The following PLEKHA5 variants were observed in gnomAD, a reference collection of about 807,000 sequenced individuals.
PLEKHA5 encodes pleckstrin homology domain-containing family A member 5.
PLEKHA5 carries 55 observed loss-of-function variants against 181.9 expected under a neutral mutation model. The observed-to-expected ratio is 0.30, with a 90% CI of 0.24 to 0.38. The LOEUF (loss-of-function observed/expected upper bound fraction) is 0.38, where lower values mean the gene tolerates loss of function less well. PLEKHA5 is among the 10% of genes least tolerant of loss of function. The pLI is 1.00. For synonymous variants in PLEKHA5, 535 were observed against 529.4 expected (o/e 1.01, Z -0.15); for missense variants, 1,432 against 1,549.5 (o/e 0.92, Z 1.27).
chr12:19,333,951 T>A (rs1298839679), intron 20 of PLEKHA5, among the ~76,000 whole-genome samples: 1 of 152,130 alleles, frequency 6.6e-6, no homozygotes, highest in Non-Finnish European at 1.5e-5. Context: ...TTCTCTACTT[T>A]TTATTGAAAG....
At chr12:19,305,496 G>C (rs560195520) in intron 15 of PLEKHA5, among the ~76,000 whole-genome samples, 1 of 150,314 alleles carries the variant, frequency 6.7e-6, no homozygotes, top group East Asian at 2.0e-4. Context: ...GGGAGGCAGA[G>C]GTTGCAGTGA....
intron 15 of PLEKHA5, among the ~76,000 whole-genome samples, chr12:19,309,467 A>G (rs566805432): frequency 1.3e-5 from 2 of 152,206 alleles, no homozygotes; most frequent in Non-Finnish European, 2.9e-5. Context: ...CTTTTAAAAT[A>G]AGACAAATCT....
At chr12:19,230,395 G>T (rs546535156) in intron 3 of PLEKHA5, among the ~76,000 whole-genome samples, 9 of 152,300 alleles carry the variant, frequency 5.9e-5, no homozygotes, top group African/African-American at 2.2e-4. Flanking sequence ...ATGGGACCGG[G>T]CGTCGCAGAG....
chr12:19,342,173 C>T (rs2093987186), intron 21 of PLEKHA5, among the ~76,000 whole-genome samples: 1 of 152,150 alleles, frequency 6.6e-6, no homozygotes, highest in Non-Finnish European at 1.5e-5. Flanking sequence ...TTTTGTATGT[C>T]ATTGCCTATT....
At chr12:19,216,409 T>G (rs1017783208) in intron 3 of PLEKHA5, among the ~76,000 whole-genome samples, 1 of 152,176 alleles carries the variant, frequency 6.6e-6, no homozygotes, top group African/African-American at 2.4e-5. Context: ...ATGCCTGTAA[T>G]CCCAGCACTT....
chr12:19,308,910 A>C (rs1408722335), intron 15 of PLEKHA5, among the ~76,000 whole-genome samples: 3 of 134,850 alleles, frequency 2.2e-5, no homozygotes, highest in South Asian at 2.7e-4. Flanking sequence ...CACACACACA[A>C]AATTAGCCAG....
At position 19,207,284 on chromosome 12, in the gene PLEKHA5, A is replaced by G. The variant is rs182501191; in HGVS notation, c.228-46656A>G. On this transcript the variant is annotated intron_variant, in intron 3 of 31. Transcript: ENST00000429027. Reference sequence around the variant, plus strand: ...TTTTTAGTCCCAGATACCTCTAATCATAAGTCTTCATAGATCAATAGAAGA... The same window carrying G: ...TTTTTAGTCCCAGATACCTCTAATCGTAAGTCTTCATAGATCAATAGAAGA... 11 of 152,238 alleles carry G rather than the reference A, an allele frequency of 7.2e-5. No individual in the cohort carries two copies. In the East Asian group the frequency reaches 2.1e-3, roughly 29 times the overall value. The allele number at this position is 152,238 out of a possible 1,614,324, so 9.4% of individuals were successfully genotyped here.
chr12:19,192,799 G>C (rs1020289372), intron 3 of PLEKHA5, among the ~76,000 whole-genome samples: 3 of 152,128 alleles, frequency 2.0e-5, no homozygotes, highest in African/African-American at 7.2e-5. Flanking sequence ...ATTGATCAGA[G>C]GCATGTGGTA....
intron 3 of PLEKHA5, among the ~76,000 whole-genome samples, chr12:19,207,918 T>C (rs925605707): frequency 1.3e-5 from 2 of 152,182 alleles, no homozygotes; most frequent in Admixed American, 1.3e-4. Flanking sequence ...AATAGTTATA[T>C]AAGTTAAAAT....
chr12:19,336,698 C>T lies in PLEKHA5; in HGVS notation c.2550+82C>T, dbSNP rs1184603452. ...ATCCACCTTGTTAGATTTACGCATA[C>T]CCATAACAGTTTTTACATTATTGGC... On this transcript the variant is annotated intron_variant, in intron 21 of 31. Transcript: ENST00000429027. 8 of 736,938 alleles carry T rather than the reference C, an allele frequency of 1.1e-5. No homozygotes were observed. The Admixed American group carries it at 2.3e-4, about 21-fold the overall frequency. The allele number at this position is 736,938 out of a possible 1,614,324, so 45.6% of individuals were successfully genotyped here.
chr12:19,322,461 A>G (rs372573175), intron 19 of PLEKHA5, 57 bp from the exon 20 acceptor site: 2 of 1,587,558 alleles, frequency 1.3e-6, no homozygotes, highest in Non-Finnish European at 1.7e-6. Context: ...ACTGATAAGT[A>G]AAAAGAATTA....
chr12:19,139,649 A>G (rs2036717446), intron 3 of PLEKHA5, among the ~76,000 whole-genome samples: 1 of 152,244 alleles, frequency 6.6e-6, no homozygotes, highest in African/African-American at 2.4e-5. Context: ...TCATGCAAAT[A>G]TGTAAGATAG....
At chr12:19,353,445 C>A (rs577444402) in intron 25 of PLEKHA5, among the ~76,000 whole-genome samples, 3 of 152,202 alleles carry the variant, frequency 2.0e-5, no homozygotes, top group African/African-American at 7.2e-5. Context: ...GCGTGAGTCA[C>A]CACGCCCAGC....
At chr12:19,299,812 G>T (rs1254926971) in intron 15 of PLEKHA5, among the ~76,000 whole-genome samples, 1 of 152,176 alleles carries the variant, frequency 6.6e-6, no homozygotes, top group East Asian at 1.9e-4. Flanking sequence ...TAAAGCTCCT[G>T]CCACATTATG....
At chr12:19,172,032 T>C (rs1851951871) in intron 3 of PLEKHA5, among the ~76,000 whole-genome samples, 1 of 152,180 alleles carries the variant, frequency 6.6e-6, no homozygotes, top group Non-Finnish European at 1.5e-5. Context: ...CTGTTTACAG[T>C]TAGCTTCTTT....
intron 25 of PLEKHA5, among the ~76,000 whole-genome samples, chr12:19,349,658 G>A (rs914331753): frequency 1.3e-5 from 2 of 151,474 alleles, no homozygotes; most frequent in Non-Finnish European, 2.9e-5. Context: ...TGTAATCCCA[G>A]CACTTCAGGA....
intron 3 of PLEKHA5, among the ~76,000 whole-genome samples, chr12:19,217,644 G>T (rs892082606): frequency 2.6e-5 from 4 of 152,180 alleles, no homozygotes; most frequent in Admixed American, 2.0e-4. Context: ...ATTCAGTGCT[G>T]CGGAAGCCAA....
chr12:19,258,989 G>A (rs2067622838), intron 6 of PLEKHA5, among the ~76,000 whole-genome samples: 1 of 152,116 alleles, frequency 6.6e-6, no homozygotes, highest in African/African-American at 2.4e-5. Context: ...ATTTAAAATA[G>A]CTCTTGTTCT....
intron 21 of PLEKHA5, among the ~76,000 whole-genome samples, chr12:19,340,815 C>A (rs1483356366): frequency 6.7e-6 from 1 of 149,950 alleles, no homozygotes; most frequent in East Asian, 2.0e-4. Context: ...TCAAACACTG[C>A]GGAAGGCCGC....
Sources: allele counts gnomAD v4.1 joint callset (sites outside exome capture counted in the v4.1 genomes callset), GRCh38; gene constraint gnomAD v4.1.1; transcripts MANE v1.5; gene names NCBI Gene and HGNC (gene_info 2026-07-23, HGNC 2026-07-21).